SLC39A10: variants seen among roughly 807,000 people sequenced by gnomAD.
SLC39A10 encodes the protein zinc transporter ZIP10.
In SLC39A10, 13 loss-of-function variants were observed where a neutral mutation model predicts 65.1. That is an observed-to-expected ratio of 0.20 (90% CI 0.13 to 0.32). The LOEUF (loss-of-function observed/expected upper bound fraction) is 0.32. SLC39A10 is among the 10% of genes least tolerant of loss of function. The pLI, the probability that SLC39A10 is intolerant of heterozygous loss-of-function variation, is 1.00. For missense variants in SLC39A10, 831 were observed against 1,018.4 expected, an observed-to-expected ratio of 0.82 and a Z score of 2.50; for synonymous variants, 321 against 342.2, an observed-to-expected ratio of 0.94 and a Z score of 0.68.
rs1367498566 is a variant in SLC39A10, at chr2:195,735,112, T to C, written c.*71T>C. On this transcript the variant is annotated 3_prime_UTR_variant, in exon 10 of 10. Transcript: ENST00000359634. Reference sequence around the variant, plus strand: ...CTTTGCATCTGTTCCTTGTACTGTATGCACATTGCTCAAAGGAAAGTCAGT... The same window carrying C: ...CTTTGCATCTGTTCCTTGTACTGTACGCACATTGCTCAAAGGAAAGTCAGT... The C allele has an allele frequency of 6.8e-7, 1 of 1,460,228 alleles. No homozygotes were observed. The highest frequency in any genetic ancestry group is 9.1e-7 in the Non-Finnish European group (1 of 1,094,556). The allele number at this position is 1,460,228 out of a possible 1,614,324, so 90.5% of individuals were successfully genotyped here.
intron 6 of SLC39A10, among the ~76,000 whole-genome samples, chr2:195,714,107 A>G (rs1333399916): frequency 2.6e-5 from 4 of 151,802 alleles, no homozygotes; most frequent in African/African-American, 9.7e-5. Flanking sequence ...TTTTCTTTGT[A>G]TTTTTAGTAG....
At chr2:195,643,177 G>GT (rs1175589021) in intron 2 of SLC39A10, among the ~76,000 whole-genome samples, 1 of 152,194 alleles carries the variant, frequency 6.6e-6, no homozygotes, top group African/African-American at 2.4e-5. Flanking sequence ...AGTAAATAGA[G>GT]TACCAGTTGA....
intron 2 of SLC39A10, among the ~76,000 whole-genome samples, chr2:195,633,076 A>G (rs1232980964): frequency 1.3e-5 from 2 of 152,230 alleles, no homozygotes; most frequent in Non-Finnish European, 2.9e-5. Flanking sequence ...GAGCTAAAAA[A>G]AATAATTTTT....
intron 6 of SLC39A10, among the ~76,000 whole-genome samples, chr2:195,714,808 A>G (rs576920528): frequency 1.3e-5 from 2 of 152,260 alleles, no homozygotes; most frequent in East Asian, 3.9e-4. Flanking sequence ...GCTGGAGTGC[A>G]GTGGCGTGAT....
chr2:195,721,332 A>G (rs191131952), intron 8 of SLC39A10, among the ~76,000 whole-genome samples: 6 of 152,270 alleles, frequency 3.9e-5, no homozygotes, highest in African/African-American at 1.4e-4. Flanking sequence ...TTTCATTTCA[A>G]CTAAATGCAA....
intron 1 of SLC39A10, among the ~76,000 whole-genome samples, chr2:195,673,086 G>C (rs959005801): frequency 6.6e-6 from 1 of 152,090 alleles, no homozygotes; most frequent in Non-Finnish European, 1.5e-5. Flanking sequence ...TGTTTTATAG[G>C]CTATTTTAAA....
At chr2:195,683,960 T>A (rs1360678959) in intron 3 of SLC39A10, 54 bp downstream of exon 3, 3 of 1,180,290 alleles carry the variant, frequency 2.5e-6, no homozygotes, top group Non-Finnish European at 3.6e-6. Context: ...ACTTACTTTT[T>A]AAACTATAGT....
chr2:195,638,478 T>C (rs1208495966), intron 2 of SLC39A10, among the ~76,000 whole-genome samples: 1 of 152,070 alleles, frequency 6.6e-6, no homozygotes, highest in African/African-American at 2.4e-5. Context: ...TAGCTGAGAC[T>C]ACAGGCACCT....
chr2:195,654,111 G>A (rs1034357103), upstream of SLC39A10, among the ~76,000 whole-genome samples: 9 of 152,032 alleles, frequency 5.9e-5, no homozygotes, highest in Non-Finnish European at 1.3e-4. Flanking sequence ...GGCTAATTTT[G>A]TATTTTTAGT....
rs935427155 is a variant in SLC39A10, at chr2:195,736,257, G to A, written c.*1216G>A. The A allele has an allele frequency of 1.3e-5, 2 of 156,652 alleles. No homozygotes were observed. Among genetic ancestry groups the A allele is most frequent in the Non-Finnish European group, 1.5e-5 (1 of 68,056 alleles). The allele number at this position is 156,652 out of a possible 1,614,324, so 9.7% of individuals were successfully genotyped here. ...TAGGGATTAGTCTTTTAGGTGCCCT[G>A]TTCTCCTACCATAATTGTGAATGAT... On this transcript the variant is annotated 3_prime_UTR_variant, in exon 10 of 10. Coordinates refer to ENST00000359634, the MANE Select transcript of SLC39A10 (RefSeq NM_020342.3).
rs1212321115 is a variant in SLC39A10 at position 195,712,507 on chromosome 2, C to G, written c.1576-926C>G. 2.0e-5 allele frequency among the ~76,000 whole-genome samples: 3 copies of G among 152,282 alleles called. 1 individual carries two copies. Among genetic ancestry groups the G allele is most frequent in the Admixed American group, 2.0e-4 (3 of 15,298 alleles). On this transcript the variant is annotated intron_variant, in intron 5 of 9. Transcript: ENST00000359634. ...AAACATCTGAAACATAGTTAACAGC[C>G]TATAAACAAAACCAGCAACAAAAAA...
intron 8 of SLC39A10, among the ~76,000 whole-genome samples, chr2:195,718,981 T>G (rs1400755936): frequency 6.6e-6 from 1 of 152,002 alleles, no homozygotes; most frequent in African/African-American, 2.4e-5. Context: ...AAATCTAGTA[T>G]GTGTTTCTTA....
chr2:195,634,736 G>C (rs1347340591), intron 2 of SLC39A10, among the ~76,000 whole-genome samples: 1 of 152,118 alleles, frequency 6.6e-6, no homozygotes, highest in African/African-American at 2.4e-5. Context: ...TTTCAGTGTT[G>C]AGTAATTCAG....
chr2:195,659,408 T>A (rs1689295071), intron 1 of SLC39A10, among the ~76,000 whole-genome samples: 1 of 152,220 alleles, frequency 6.6e-6, no homozygotes, highest in African/African-American at 2.4e-5. Flanking sequence ...AGGCCTCAAG[T>A]GTCGTATGCA....
Position 195,718,294 on chromosome 2 carries a change from C to T in SLC39A10, c.2108C>T (p.Ser703Phe). The T allele has an allele frequency of 6.2e-7, 1 of 1,607,080 alleles. No homozygotes were observed. Among genetic ancestry groups the T allele is most frequent in the Non-Finnish European group, 8.5e-7 (1 of 1,175,150 alleles). The change falls in exon 8 of 10, where the codon TCT becomes TTT. Residue 703 changes from serine to phenylalanine, a missense_variant. Physicochemically the swap from Ser to Phe is radical, Grantham distance 155 (BLOSUM62 -2). Transcript: ENST00000359634. ...SAGLTGGISTSIAVFCHELPH... is the reference protein window; with the variant it reads ...SAGLTGGISTFIAVFCHELPH... ...GGATTGACAGGAGGAATCAGTACTT[C>T]TATAGCCGTCTTCTGTCATGAACTG...
chr2:195,627,842 A>AG (rs1238683380), intron 2 of SLC39A10, among the ~76,000 whole-genome samples: 2 of 152,200 alleles, frequency 1.3e-5, no homozygotes, highest in Admixed American at 1.3e-4. Context: ...AAGATGGGAG[A>AG]GGATGGCTAT....
intron 3 of SLC39A10, among the ~76,000 whole-genome samples, chr2:195,693,557 A>C (rs1690827458): frequency 6.6e-6 from 1 of 151,950 alleles, no homozygotes; most frequent in Admixed American, 6.5e-5. Flanking sequence ...GAATTTATCC[A>C]TCTCATCTAG....
intron 8 of SLC39A10, among the ~76,000 whole-genome samples, chr2:195,723,596 T>G (rs1489132863): frequency 2.6e-5 from 4 of 152,168 alleles, no homozygotes; most frequent in African/African-American, 9.7e-5. Flanking sequence ...GAGAGGCTTT[T>G]GACTGTGGAT....
chr2:195,640,524 G>A (rs140671168), intron 2 of SLC39A10, among the ~76,000 whole-genome samples: 267 of 152,102 alleles, frequency 1.8e-3, no homozygotes, highest in Admixed American at 4.0e-3. Flanking sequence ...TAATGTAAAC[G>A]TTAATTATAA....
Sources: allele counts gnomAD v4.1 joint callset (sites outside exome capture counted in the v4.1 genomes callset), GRCh38; gene constraint gnomAD v4.1.1; transcripts MANE v1.5; gene names NCBI Gene and HGNC (gene_info 2026-07-23, HGNC 2026-07-21).